The following B3GALT1 variants were observed in gnomAD, a reference collection of about 807,000 sequenced individuals.
The protein encoded by B3GALT1 is beta-1,3-galactosyltransferase 1.
A neutral mutation model predicts 23.2 loss-of-function variants in B3GALT1; 10 were observed. The ratio of observed to expected loss-of-function variants is 0.43; its 90% CI spans 0.27 to 0.73. The LOEUF (loss-of-function observed/expected upper bound fraction) is 0.73, where lower values mean the gene tolerates loss of function less well. Among genes scored for constraint, B3GALT1 ranks in the 30% least tolerant of loss-of-function variants. The probability of loss-of-function intolerance (pLI) is 0.21; values close to 1 mark genes in which losing one functional copy is unlikely to be tolerated. For missense variants in B3GALT1, 299 were observed against 405.4 expected (o/e 0.74, Z 2.25); for synonymous variants, 156 against 141.5 (o/e 1.10, Z -0.73).
intron 1 of B3GALT1, among the ~76,000 whole-genome samples, chr2:167,321,168 A>T (rs964489906): frequency 6.6e-6 from 1 of 151,984 alleles, no homozygotes; most frequent in African/African-American, 2.4e-5. Context: ...CCCCCAATCT[A>T]TTAATATTTA....
chr2:167,722,421 T>A (rs553187289), intron 3 of B3GALT1, among the ~76,000 whole-genome samples: 1 of 152,370 alleles, frequency 6.6e-6, no homozygotes, highest in South Asian at 2.1e-4. Context: ...GACCTGACAT[T>A]GACCACAGTT....
chr2:167,662,704 G>C (rs1231840367), intron 3 of B3GALT1, among the ~76,000 whole-genome samples: 1 of 151,460 alleles, frequency 6.6e-6, no homozygotes, highest in Non-Finnish European at 1.5e-5. Context: ...GAGGAAAAGT[G>C]AAAGACCATA....
intron 2 of B3GALT1, among the ~76,000 whole-genome samples, chr2:167,561,045 C>T (rs1281217033): frequency 6.6e-6 from 1 of 152,062 alleles, no homozygotes; most frequent in Non-Finnish European, 1.5e-5. Context: ...AAATTGACCA[C>T]ATAGTTGGAA....
chr2:167,599,972 T>A (rs747338965), intron 2 of B3GALT1, among the ~76,000 whole-genome samples: 25 of 152,236 alleles, frequency 1.6e-4, no homozygotes, highest in Non-Finnish European at 2.4e-4. Context: ...TATTTTTATC[T>A]GTACTAGAGT....
intron 1 of B3GALT1, among the ~76,000 whole-genome samples, chr2:167,381,132 A>G (rs1457088240): frequency 6.6e-6 from 1 of 152,100 alleles, no homozygotes; most frequent in African/African-American, 2.4e-5. Context: ...CAGTGGTACA[A>G]TCATGGCTCA....
intron 2 of B3GALT1, among the ~76,000 whole-genome samples, chr2:167,574,854 A>C (rs1684355230): frequency 6.6e-6 from 1 of 151,754 alleles, no homozygotes; most frequent in Non-Finnish European, 1.5e-5. Context: ...AGCATTAATC[A>C]TTCTGGCAAC....
intron 2 of B3GALT1, among the ~76,000 whole-genome samples, chr2:167,566,283 T>C (rs896452076): frequency 1.3e-5 from 2 of 150,782 alleles, no homozygotes; most frequent in Non-Finnish European, 2.9e-5. Flanking sequence ...TTCTCACTCA[T>C]AGATGGGACT....
Position 167,869,341 on chromosome 2 carries a change from G to A in B3GALT1, c.302G>A (p.Trp101Ter). ...GCCCGTCAGGCAATCAGAGAGACGT[G>A]GGGGGATGAGAACAACTTTAAGGGG... ...FDARQAIRET[W>*]GDENNFKGIK... The change falls in exon 5 of 5, where the codon TGG becomes TAG. Residue 101 changes from tryptophan to a stop codon, truncating the protein, a stop_gained. Transcript: ENST00000392690. LOFTEE classifies it high-confidence loss of function. The surrounding 1 kb of genome is among the most constrained non-coding windows in gnomAD (Gnocchi z 6.4). The A allele has an allele frequency of 6.2e-7, 1 of 1,614,070 alleles. No individual in the cohort carries two copies. Among genetic ancestry groups the A allele is most frequent in the Non-Finnish European group, 8.5e-7 (1 of 1,179,992 alleles).
intron 1 of B3GALT1, among the ~76,000 whole-genome samples, chr2:167,374,370 T>C (rs1697731774): frequency 6.6e-6 from 1 of 152,182 alleles, no homozygotes; most frequent in African/African-American, 2.4e-5. Flanking sequence ...TTCTTTTGAG[T>C]GTATATCCAG....
intron 2 of B3GALT1, among the ~76,000 whole-genome samples, chr2:167,511,085 A>G (rs1026279923): frequency 6.6e-6 from 1 of 152,202 alleles, no homozygotes; most frequent in Non-Finnish European, 1.5e-5. Context: ...TGGGATAATC[A>G]TGGATATACA....
chr2:167,324,583 A>C (rs1156315597), intron 1 of B3GALT1, among the ~76,000 whole-genome samples: 1 of 152,006 alleles, frequency 6.6e-6, no homozygotes, highest in African/African-American at 2.4e-5. Flanking sequence ...TTTAATGTTA[A>C]ATTTTTGATA....
intron 3 of B3GALT1, among the ~76,000 whole-genome samples, chr2:167,724,779 A>T (rs1687284533): frequency 6.6e-6 from 1 of 152,204 alleles, no homozygotes; most frequent in Non-Finnish European, 1.5e-5. Flanking sequence ...TTTGCAATCA[A>T]TGTGCCATGA....
intron 3 of B3GALT1, among the ~76,000 whole-genome samples, chr2:167,790,035 G>T (rs1688407179): frequency 6.6e-6 from 1 of 151,956 alleles, no homozygotes; most frequent in African/African-American, 2.4e-5. Context: ...CAAGAGACAG[G>T]AGTTTTGTTT....
At chr2:167,722,161 A>G (rs1217143946) in intron 3 of B3GALT1, among the ~76,000 whole-genome samples, 2 of 152,220 alleles carry the variant, frequency 1.3e-5, no homozygotes, top group African/African-American at 4.8e-5. Context: ...ATCTTTGTAT[A>G]ATGATCATAG....
intron 2 of B3GALT1, among the ~76,000 whole-genome samples, chr2:167,594,082 T>A (rs1465585451): frequency 6.6e-6 from 1 of 152,332 alleles, no homozygotes; most frequent in East Asian, 1.9e-4. Context: ...TTACAAAAAA[T>A]AGCCACTTAA....
intron 1 of B3GALT1, among the ~76,000 whole-genome samples, chr2:167,361,585 A>T (rs1697500674): frequency 6.6e-6 from 1 of 152,008 alleles, no homozygotes; most frequent in Non-Finnish European, 1.5e-5. Context: ...ATGAACAAAA[A>T]CTCCAAAAGG....
At chr2:167,360,903 C>CT (rs1697489581) in intron 1 of B3GALT1, among the ~76,000 whole-genome samples, 1 of 152,172 alleles carries the variant, frequency 6.6e-6, no homozygotes, top group African/African-American at 2.4e-5. Flanking sequence ...ATTCTACTCT[C>CT]TAACTCCATG....
chr2:167,488,933 A>G (rs1699662767), intron 1 of B3GALT1, among the ~76,000 whole-genome samples: 1 of 151,434 alleles, frequency 6.6e-6, no homozygotes, highest in Non-Finnish European at 1.5e-5. Flanking sequence ...GAACTTAGCC[A>G]TGTTAAAAAT....
intron 3 of B3GALT1, among the ~76,000 whole-genome samples, chr2:167,806,278 G>T (rs1389933231): frequency 1.3e-5 from 2 of 152,056 alleles, no homozygotes; most frequent in Non-Finnish European, 2.9e-5. Context: ...CTGCAAACAG[G>T]GACAATTTGA....
Sources: gnomAD v4.1 joint callset for allele counts (sites outside exome capture counted in the v4.1 genomes callset) on GRCh38, gnomAD v4.1.1 for gene constraint, Gnocchi (gnomAD v3.1) non-coding constraint, MANE v1.5 for transcripts, NCBI Gene and HGNC (gene_info 2026-07-23, HGNC 2026-07-21) for gene names.